Variants in SYTL5 observed in about 807,000 individuals in gnomAD.
The protein encoded by SYTL5 is synaptotagmin-like protein 5.
A neutral mutation model predicts 55.9 loss-of-function variants in SYTL5; 34 were observed. The observed-to-expected ratio is 0.61, with a 90% confidence interval of 0.46 to 0.81. SYTL5 has a LOEUF of 0.81. Among genes scored for constraint, SYTL5 ranks in the 30% least tolerant of loss-of-function variants. SYTL5 has a pLI of 0.00. For missense variants in SYTL5, 637 were observed against 546.7 expected, an observed-to-expected ratio of 1.17 and a Z score of -1.65; for synonymous variants, 221 against 188.7, an observed-to-expected ratio of 1.17 and a Z score of -1.40.
chrX:37,948,109 G>A, the SYTL5 span, among the ~76,000 whole-genome samples: 2 of 110,950 alleles, frequency 1.8e-5, no homozygotes, highest in African/African-American at 6.5e-5. Flanking sequence ...CTTCAGAATG[G>A]TCAGGAACTT....
chrX:37,977,962 A>G, the SYTL5 span, among the ~76,000 whole-genome samples: 1 of 111,540 alleles, frequency 9.0e-6, no homozygotes, highest in African/African-American at 3.3e-5. Context: ...GATCACTTGT[A>G]GGATAGAAGA....
At chrX:37,989,140 C>A in the SYTL5 span, among the ~76,000 whole-genome samples, 1 of 111,523 alleles carries the variant, frequency 9.0e-6, no homozygotes, top group Non-Finnish European at 1.9e-5. Context: ...TTTAAGGGAT[C>A]AAAAGATCAA....
At chrX:37,974,844 G>A in the SYTL5 span, among the ~76,000 whole-genome samples, 6 of 112,301 alleles carry the variant, frequency 5.3e-5, no homozygotes, top group Non-Finnish European at 1.1e-4. Flanking sequence ...CAGAAGGGAA[G>A]TATGTGTGTG....
chrX:38,069,549 A>G (rs1450458047), intron 3 of SYTL5, among the ~76,000 whole-genome samples: 1 of 111,850 alleles, frequency 8.9e-6, no homozygotes, highest in Non-Finnish European at 1.9e-5. Flanking sequence ...GGACCTCTAC[A>G]CCTCAGAGCT....
the SYTL5 span, among the ~76,000 whole-genome samples, chrX:37,995,993 C>T: frequency 5.6e-4 from 62 of 111,603 alleles, no homozygotes; most frequent in African/African-American, 1.9e-3. Flanking sequence ...TTTATGCAGT[C>T]GTCAACACTA....
At chrX:37,990,503 G>A in the SYTL5 span, among the ~76,000 whole-genome samples, 1 of 112,429 alleles carries the variant, frequency 8.9e-6, no homozygotes, top group African/African-American at 3.2e-5. Context: ...CTGCAGTGGT[G>A]TCCTAAAGAC....
chrX:38,091,286 T>C (rs1329605470), intron 7 of SYTL5, among the ~76,000 whole-genome samples: 1 of 112,183 alleles, frequency 8.9e-6, no homozygotes, highest in Non-Finnish European at 1.9e-5. Context: ...CAGTAATAGA[T>C]TTATTTAAAC....
chrX:38,024,787 T>G (rs2044467518), intron 1 of SYTL5, among the ~76,000 whole-genome samples: 1 of 111,605 alleles, frequency 9.0e-6, no homozygotes, highest in Non-Finnish European at 1.9e-5. Context: ...GAAGTATTGG[T>G]ATGAAGTTGA....
intron 2 of SYTL5, among the ~76,000 whole-genome samples, chrX:38,042,656 C>A (rs1467184451): frequency 9.0e-6 from 1 of 111,014 alleles, no homozygotes; most frequent in Non-Finnish European, 1.9e-5. Flanking sequence ...TTGGCACTCA[C>A]ATCCCAAGAA....
chrX:37,964,564 G>T, the SYTL5 span, among the ~76,000 whole-genome samples: 5 of 110,686 alleles, frequency 4.5e-5, no homozygotes, highest in African/African-American at 1.6e-4. Flanking sequence ...CTTTCCTTTA[G>T]GTATCTTTGG....
the SYTL5 span, among the ~76,000 whole-genome samples, chrX:37,991,909 A>G: frequency 8.9e-6 from 1 of 112,406 alleles, no homozygotes; most frequent in East Asian, 2.8e-4. Context: ...TGCTGTGAAT[A>G]TATCTTTTTG....
At chrX:37,907,390 A>G in the SYTL5 span, among the ~76,000 whole-genome samples, 1 of 112,302 alleles carries the variant, frequency 8.9e-6, no homozygotes, top group African/African-American at 3.2e-5. Flanking sequence ...AATAAAATTA[A>G]TAAAACCTTA....
chrX:38,077,694 T>G (rs1602373265), intron 6 of SYTL5, among the ~76,000 whole-genome samples: 1 of 111,881 alleles, frequency 8.9e-6, no homozygotes, highest in Non-Finnish European at 1.9e-5. Flanking sequence ...GTAAAGTCAT[T>G]TATCACCCAT....
At chrX:38,125,966 TA>T (rs1386701121) in intron 16 of SYTL5, among the ~76,000 whole-genome samples, 1 of 111,751 alleles carries the variant, frequency 8.9e-6, no homozygotes, top group Non-Finnish European at 1.9e-5. Context: ...CATTTTTTCA[TA>T]AAAATAACAC....
At chrX:38,002,708 G>T (rs78333261), upstream of SYTL5, among the ~76,000 whole-genome samples, 3 of 110,308 alleles carry the variant, frequency 2.7e-5, no homozygotes, top group Non-Finnish European at 3.8e-5. Flanking sequence ...TTTTTGATGG[G>T]GTTGTTTGTC....
At chrX:37,977,334 T>A in the SYTL5 span, among the ~76,000 whole-genome samples, 2 of 109,945 alleles carry the variant, frequency 1.8e-5, no homozygotes, top group African/African-American at 6.6e-5. Flanking sequence ...AAAAAAAACA[T>A]TTTGTAGACA....
chrX:37,968,445 G>A, the SYTL5 span, among the ~76,000 whole-genome samples: 1 of 111,558 alleles, frequency 9.0e-6, no homozygotes. Flanking sequence ...GGTTGGGTCT[G>A]TAAGACCTAT....
Position 38,116,307 on chromosome X carries a change from AG to A in SYTL5, c.1597-4050del, listed in dbSNP as rs199919783. 7.7e-3 allele frequency among the ~76,000 whole-genome samples: 861 copies of A among 112,449 alleles called. 10 individuals are homozygous for A. Among genetic ancestry groups the A allele is most frequent in the African/African-American group, 0.026 (805 of 30,932 alleles). On this transcript the variant is annotated intron_variant, in intron 13 of 16. Coordinates refer to ENST00000297875, the MANE Select transcript of SYTL5 (RefSeq NM_138780.3). The stretch of plus-strand genomic sequence containing the variant: ...GGTGTTATGTATCTGTTCTTATGCC[AG>A]TACCATGCTGTTTTGATTACTATAG...
the SYTL5 span, among the ~76,000 whole-genome samples, chrX:37,954,521 GA>G: frequency 8.9e-6 from 1 of 111,797 alleles, no homozygotes; most frequent in Non-Finnish European, 1.9e-5. Flanking sequence ...GCAAGAACAA[GA>G]AGGGAACTTT....
Sources: allele counts gnomAD v4.1 joint callset (sites outside exome capture counted in the v4.1 genomes callset), GRCh38; gene constraint gnomAD v4.1.1; transcripts MANE v1.5; gene names NCBI Gene and HGNC (gene_info 2026-07-23, HGNC 2026-07-21).